Variants in SLC23A2 observed in about 807,000 individuals in gnomAD.
SLC23A2 encodes the protein solute carrier family 23 member 2, also known as Na(+)/L-ascorbic acid transporter 2.
In SLC23A2, 36 loss-of-function variants were observed where a neutral mutation model predicts 73.3. That is an observed-to-expected ratio of 0.49 (90% CI 0.38 to 0.65). SLC23A2 has a LOEUF of 0.65. SLC23A2 is among the 30% of genes least tolerant of loss of function. The pLI is 0.00. For synonymous variants in SLC23A2, 343 were observed against 327.3 expected (o/e 1.05, Z -0.52); for missense variants, 507 against 841.6 (o/e 0.60, Z 4.92).
At chr20:4,954,005 G>A (rs947118827) in intron 2 of SLC23A2, among the ~76,000 whole-genome samples, 8 of 152,080 alleles carry the variant, frequency 5.3e-5, no homozygotes, top group African/African-American at 1.9e-4. Context: ...TGGAATTCAT[G>A]CCAAAAAGTA....
intron 15 of SLC23A2, among the ~76,000 whole-genome samples, chr20:4,859,915 G>C (rs1431862859): frequency 6.6e-6 from 1 of 152,174 alleles, no homozygotes; most frequent in African/African-American, 2.4e-5. Flanking sequence ...AAAACAGCAA[G>C]AATCTCATTT....
In SLC23A2 at chr20:4,857,006, C is replaced by T. The variant is rs759370167; in HGVS notation, c.1919G>A (p.Arg640Gln). The change falls in exon 17 of 17, where the codon CGG becomes CAG. Residue 640 changes from arginine (R) to glutamine (Q), a missense_variant. This residue lies in a region of SLC23A2 where 168 missense variants were observed against 302.3 expected (regional missense o/e 0.56). Coordinates refer to ENST00000338244, the MANE Select transcript of SLC23A2 (RefSeq NM_005116.6). This position sits in a 1 kb window ranked among gnomAD's most constrained non-coding sequence, Gnocchi z 4.0. Reference sequence around the variant, plus strand: ...GGCCTGGGAGTCTTCATCTGAACTCCGGCTGTTGTCGCTCTTCCTGAGGCC... The same window carrying T: ...GGCCTGGGAGTCTTCATCTGAACTCTGGCTGTTGTCGCTCTTCCTGAGGCC... Reference protein sequence around the residue: ...WKGLRKSDNSRSSDEDSQATG With the variant: ...WKGLRKSDNSQSSDEDSQATG 23 of 1,613,964 alleles carry T rather than the reference C, an allele frequency of 1.4e-5. No individual in the cohort carries two copies. Among genetic ancestry groups the T allele is most frequent in the East Asian group, 6.7e-5 (3 of 44,886 alleles).
chr20:4,876,987 G>A (rs1169563905), intron 9 of SLC23A2, among the ~76,000 whole-genome samples: 2 of 151,660 alleles, frequency 1.3e-5, no homozygotes, highest in Non-Finnish European at 2.9e-5. Flanking sequence ...GCACCTTAGT[G>A]ACTGCTTAGC....
At chr20:4,989,618 G>A (rs1472079975) in intron 1 of SLC23A2, among the ~76,000 whole-genome samples, 1 of 116,160 alleles carries the variant, frequency 8.6e-6, no homozygotes, top group African/African-American at 2.8e-5. Context: ...TAAGGCTGCA[G>A]TGAGCCATGA....
upstream of SLC23A2, among the ~76,000 whole-genome samples, chr20:5,001,836 A>G (rs1051330323): frequency 2.0e-5 from 3 of 148,322 alleles, no homozygotes; most frequent in Non-Finnish European, 4.5e-5. Context: ...CCCCCTTTTT[A>G]CCCCGCCTGC....
rs981339452 is a variant in SLC23A2, at chr20:4,857,335, C to T, written c.1721-131G>A. The stretch of plus-strand genomic sequence containing the variant: ...ACACACACACACACACACACACACA[C>T]ATGGTCCCACAGATCAAACCTGCCT... On this transcript the variant is annotated intron_variant, in intron 16 of 16. Coordinates refer to ENST00000338244, the MANE Select transcript of SLC23A2 (RefSeq NM_005116.6). The surrounding 1 kb of genome is among the most constrained non-coding windows in gnomAD (Gnocchi z 4.0). 8 of 526,992 alleles carry T rather than the reference C, an allele frequency of 1.5e-5. No individual in the cohort carries two copies. Among genetic ancestry groups the T allele is most frequent in the African/African-American group, 5.8e-5 (2 of 34,740 alleles). The allele number at this position is 526,992 out of a possible 1,614,324, so 32.6% of individuals were successfully genotyped here.
At chr20:4,989,279 AG>A (rs1319303501) in intron 1 of SLC23A2, among the ~76,000 whole-genome samples, 1 of 151,580 alleles carries the variant, frequency 6.6e-6, no homozygotes, top group East Asian at 1.9e-4. Context: ...TATAGGAAGG[AG>A]GAAAAAAAAA....
At chr20:4,934,434 C>T (rs2086928191) in intron 2 of SLC23A2, among the ~76,000 whole-genome samples, 1 of 152,154 alleles carries the variant, frequency 6.6e-6, no homozygotes, top group African/African-American at 2.4e-5. Context: ...GGATGGCATC[C>T]CAGATGTGCC....
intron 6 of SLC23A2, among the ~76,000 whole-genome samples, chr20:4,887,225 C>T (rs766569273): frequency 1.3e-5 from 2 of 152,180 alleles, no homozygotes; most frequent in Non-Finnish European, 1.5e-5. Flanking sequence ...CAGAGGATAG[C>T]GGAAGTGAAG....
At chr20:4,906,008 T>G (rs1931938763) in intron 4 of SLC23A2, among the ~76,000 whole-genome samples, 1 of 152,272 alleles carries the variant, frequency 6.6e-6, no homozygotes, top group Non-Finnish European at 1.5e-5. Context: ...TGTATATGTG[T>G]GCTTTCTATT....
In SLC23A2 at chr20:4,874,607, G is replaced by A. The variant is rs1669378959; in HGVS notation, c.914C>T (p.Ala305Val). 1 of 1,611,616 alleles carries A rather than the reference G, an allele frequency of 6.2e-7. No individual in the cohort carries two copies. Among genetic ancestry groups the A allele is most frequent in the Non-Finnish European group, 8.5e-7 (1 of 1,179,010 alleles). Residue 305 changes from alanine (A) to valine (V), a missense_variant, in exon 10 of 17, where the codon GCG becomes GTG. Coordinates refer to ENST00000338244, the MANE Select transcript of SLC23A2 (RefSeq NM_005116.6). Reference sequence around the variant, plus strand: ...CATTTTGAACAGCTGTAACTTGTACGCAGTCCATCCTTTCTTGGATTTATA... The same window carrying A: ...CATTTTGAACAGCTGTAACTTGTACACAGTCCATCCTTTCTTGGATTTATA... ...PIYKSKKGWT[A>V]YKLQLFKMFP... is the part of the protein sequence containing the mutation.
At chr20:4,983,409 G>A (rs1428812494) in intron 1 of SLC23A2, among the ~76,000 whole-genome samples, 1 of 152,094 alleles carries the variant, frequency 6.6e-6, no homozygotes, top group Admixed American at 6.6e-5. Flanking sequence ...CACTTCGGGA[G>A]GCCAAGGCGG....
At position 4,874,693 on chromosome 20, in the gene SLC23A2, T is replaced by C; in HGVS notation, c.828A>G (p.Thr276=). 1.9e-6 allele frequency: 3 copies of C among 1,593,906 alleles called. No homozygotes were observed. Among genetic ancestry groups the C allele is most frequent in the Non-Finnish European group, 2.6e-6 (3 of 1,170,268 alleles). Residue 276 remains threonine (T), a synonymous_variant, in exon 10 of 17, where the codon ACA becomes ACG. Coordinates refer to ENST00000338244, the MANE Select transcript of SLC23A2 (RefSeq NM_005116.6). The part of the protein sequence containing the change: ...AGKHWGIAML[T]IFLVLLFSQY... Reference sequence around the variant, plus strand: ...GAGAAAACAGTAATACTAGGAATATTGTCCTGAGGAGAGAAAGAAAACAAA... The same window carrying C: ...GAGAAAACAGTAATACTAGGAATATCGTCCTGAGGAGAGAAAGAAAACAAA...
chr20:4,984,583 A>T (rs919022322), intron 1 of SLC23A2, among the ~76,000 whole-genome samples: 2 of 151,980 alleles, frequency 1.3e-5, no homozygotes, highest in African/African-American at 4.8e-5. Flanking sequence ...GGTCTCAAAT[A>T]TAAACAAAAA....
intron 4 of SLC23A2, among the ~76,000 whole-genome samples, chr20:4,911,022 G>T (rs1181358712): frequency 1.3e-5 from 2 of 152,150 alleles, no homozygotes; most frequent in Non-Finnish European, 2.9e-5. Context: ...TTCTAAAGAC[G>T]ATCTCCAGAC....
intron 1 of SLC23A2, among the ~76,000 whole-genome samples, chr20:5,009,768 G>C (rs1182244949): frequency 6.6e-6 from 1 of 152,204 alleles, no homozygotes; most frequent in Non-Finnish European, 1.5e-5. Flanking sequence ...GTTCTCCAGA[G>C]AAACAGAACC....
chr20:4,961,147 G>A (rs547787092), intron 2 of SLC23A2, among the ~76,000 whole-genome samples: 28 of 137,020 alleles, frequency 2.0e-4, no homozygotes, highest in African/African-American at 3.0e-4. Context: ...TCGCTCTGTC[G>A]CCCAGGCTGG....
At chr20:4,869,336 A>C (rs953263130) in intron 12 of SLC23A2, among the ~76,000 whole-genome samples, 18 of 151,346 alleles carry the variant, frequency 1.2e-4, no homozygotes, top group Non-Finnish European at 2.4e-4. Context: ...AAACAAACAA[A>C]AAAAAAACAA....
At position 4,884,783 on chromosome 20, in the gene SLC23A2, T is replaced by C; in HGVS notation, c.612A>G (p.Thr204=). The C allele has an allele frequency of 1.3e-6, 2 of 1,595,114 alleles. No individual in the cohort carries two copies. The highest frequency in any genetic ancestry group is 1.1e-5 in the South Asian group (1 of 87,090). ...VANGTAELLH[T]EHIWYPRIRE... is the part of the protein sequence containing the mutation. Reference sequence around the variant, plus strand: ...GGATCCGGGGATACCAGATGTGTTCTGTGTGCAACAGCTCTGCTGTTCCAT... The same window carrying C: ...GGATCCGGGGATACCAGATGTGTTCCGTGTGCAACAGCTCTGCTGTTCCAT... Residue 204 remains threonine (T), a synonymous_variant, in exon 8 of 17, where the codon ACA becomes ACG. Transcript: ENST00000338244.
Sources: allele counts gnomAD v4.1 joint callset (sites outside exome capture counted in the v4.1 genomes callset), GRCh38; gene constraint gnomAD v4.1.1; regional missense constraint gnomAD v4.1.1; non-coding constraint Gnocchi (gnomAD v3.1); transcripts MANE v1.5; gene names NCBI Gene and HGNC (gene_info 2026-07-23, HGNC 2026-07-21).